Variants in NRP1 observed in about 807,000 individuals in gnomAD.
NRP1 encodes neuropilin 1, also known as neuropilin-1.
NRP1 carries 35 observed loss-of-function variants against 106.7 expected under a neutral mutation model. That is an observed-to-expected ratio of 0.33 (90% CI 0.25 to 0.43). NRP1 has a LOEUF of 0.43. NRP1 is among the 20% of genes least tolerant of loss of function. The probability of loss-of-function intolerance (pLI) is 1.00; values close to 1 mark genes in which losing one functional copy is unlikely to be tolerated. For missense variants in NRP1, 1,024 were observed against 1,170.4 expected (o/e 0.87, Z 1.83); for synonymous variants, 437 against 417.9 (o/e 1.05, Z -0.56).
chr10:33,269,115 A>C (rs573858499), intron 3 of NRP1, among the ~76,000 whole-genome samples: 1 of 152,280 alleles, frequency 6.6e-6, no homozygotes, highest in South Asian at 2.1e-4. Flanking sequence ...AAGACAATAC[A>C]TTCAAATCTT....
chr10:33,323,972 A>G (rs1468322707), intron 2 of NRP1, among the ~76,000 whole-genome samples: 1 of 152,178 alleles, frequency 6.6e-6, no homozygotes, highest in Non-Finnish European at 1.5e-5. Flanking sequence ...CTCGTTGGAA[A>G]TGCCATGCAC....
chr10:33,274,866 G>A (rs1029654011), intron 2 of NRP1, among the ~76,000 whole-genome samples: 14 of 152,132 alleles, frequency 9.2e-5, no homozygotes, highest in Admixed American at 2.6e-4. Flanking sequence ...TGATGTTGGC[G>A]AACACAATTT....
intron 3 of NRP1, among the ~76,000 whole-genome samples, chr10:33,268,004 T>C (rs73252000): frequency 0.1 from 15,807 of 152,172 alleles, 934 homozygotes; most frequent in Middle Eastern, 0.2. Context: ...CTATGATTAG[T>C]GTAATTTATG....
chr10:33,280,958 G>A (rs1167476859), intron 2 of NRP1, among the ~76,000 whole-genome samples: 1 of 149,656 alleles, frequency 6.7e-6, no homozygotes, highest in African/African-American at 2.5e-5. Context: ...GTGACAAAGT[G>A]AGACCTTGTC....
At chr10:33,198,435 C>T (rs1473995824) in intron 11 of NRP1, among the ~76,000 whole-genome samples, 1 of 152,076 alleles carries the variant, frequency 6.6e-6, no homozygotes, top group Non-Finnish European at 1.5e-5. Context: ...AGCCACTGTG[C>T]CCAGCCTGCA....
intron 2 of NRP1, among the ~76,000 whole-genome samples, chr10:33,322,940 G>A (rs2132898383): frequency 1.3e-5 from 2 of 152,324 alleles, no homozygotes; most frequent in Middle Eastern, 6.8e-3. Context: ...AGAAAGATTT[G>A]TGACGCAGCA....
intron 2 of NRP1, among the ~76,000 whole-genome samples, chr10:33,277,742 AAAG>A (rs1431762692): frequency 6.6e-6 from 1 of 152,234 alleles, no homozygotes; most frequent in Non-Finnish European, 1.5e-5. Context: ...GAATAATAAT[AAAG>A]AATATTGCTT....
intron 2 of NRP1, among the ~76,000 whole-genome samples, chr10:33,313,119 G>A (rs926346280): frequency 5.9e-5 from 9 of 152,204 alleles, no homozygotes; most frequent in Non-Finnish European, 8.8e-5. Flanking sequence ...AAATGCATCT[G>A]TTCATGGGTA....
chr10:33,255,315 T>C (rs1842123515), intron 5 of NRP1, among the ~76,000 whole-genome samples: 1 of 152,226 alleles, frequency 6.6e-6, no homozygotes, highest in Non-Finnish European at 1.5e-5. Context: ...CTGGCCTCTT[T>C]ATTTTCCAGT....
At chr10:33,285,942 C>T (rs932749528) in intron 2 of NRP1, among the ~76,000 whole-genome samples, 3 of 152,204 alleles carry the variant, frequency 2.0e-5, no homozygotes, top group Non-Finnish European at 2.9e-5. Flanking sequence ...CTTTGACCCC[C>T]GGGTGAGTAT....
At chr10:33,328,977 G>A (rs1848081652) in intron 2 of NRP1, among the ~76,000 whole-genome samples, 1 of 152,122 alleles carries the variant, frequency 6.6e-6, no homozygotes, top group African/African-American at 2.4e-5. Flanking sequence ...ACTTGAGTAT[G>A]TTTTACCAGA....
intron 2 of NRP1, among the ~76,000 whole-genome samples, chr10:33,273,614 C>T (rs1195741253): frequency 1.3e-5 from 2 of 152,288 alleles, no homozygotes; most frequent in East Asian, 1.9e-4. Flanking sequence ...CTCGGGATGT[C>T]GAGATCCCCA....
At chr10:33,258,473 C>T (rs1842349697) in intron 4 of NRP1, among the ~76,000 whole-genome samples, 1 of 152,174 alleles carries the variant, frequency 6.6e-6, no homozygotes, top group South Asian at 2.1e-4. Context: ...ACTGCTTTAT[C>T]ATGAAGAAAA....
intron 2 of NRP1, among the ~76,000 whole-genome samples, chr10:33,293,208 T>G (rs1845128585): frequency 6.6e-6 from 1 of 152,244 alleles, no homozygotes; most frequent in Non-Finnish European, 1.5e-5. Flanking sequence ...TTATAAAATA[T>G]TAACTTGAAC....
chr10:33,278,884 T>A (rs1283147774), intron 2 of NRP1, among the ~76,000 whole-genome samples: 1 of 152,140 alleles, frequency 6.6e-6, no homozygotes, highest in Non-Finnish European at 1.5e-5. Context: ...AAACTGATGA[T>A]TAATTGATGA....
At chr10:33,239,253 A>T (rs1033733417) in intron 6 of NRP1, among the ~76,000 whole-genome samples, 1 of 151,484 alleles carries the variant, frequency 6.6e-6, no homozygotes. Flanking sequence ...GTGCCACTGC[A>T]CTCCAGCCTG....
intron 2 of NRP1, among the ~76,000 whole-genome samples, chr10:33,311,303 C>A (rs77765204): frequency 0.032 from 4,927 of 152,324 alleles, 128 homozygotes; most frequent in Non-Finnish European, 0.051. Flanking sequence ...ACAATTGCCT[C>A]TGCCAGATGT....
chr10:33,194,838 G>C (rs2132644212), intron 12 of NRP1: 2 of 481,458 alleles, frequency 4.2e-6, no homozygotes, highest in Admixed American at 2.3e-5. Flanking sequence ...AAAAGAAAGA[G>C]AGAAGGACAG....
intron 2 of NRP1, among the ~76,000 whole-genome samples, chr10:33,319,491 C>T (rs559159943): frequency 2.0e-5 from 3 of 151,974 alleles, no homozygotes; most frequent in Middle Eastern, 3.4e-3. Context: ...CCCTTCCAGG[C>T]TGTGGAAGCT....
Sources: gnomAD v4.1 joint callset for allele counts (sites outside exome capture counted in the v4.1 genomes callset) on GRCh38, gnomAD v4.1.1 for gene constraint, MANE v1.5 for transcripts, NCBI Gene and HGNC (gene_info 2026-07-23, HGNC 2026-07-21) for gene names.